NRG1: variants seen among roughly 807,000 people sequenced by gnomAD.
NRG1 encodes the protein neuregulin 1.
A neutral mutation model predicts 63.8 loss-of-function variants in NRG1; 18 were observed. The ratio of observed to expected loss-of-function variants is 0.28; its 90% confidence interval spans 0.19 to 0.42. The LOEUF is 0.42. NRG1 is among the 10% of genes least tolerant of loss of function. NRG1 has a pLI of 1.00. For missense variants in NRG1, 762 were observed against 814.7 expected (o/e 0.94, Z 0.79); for synonymous variants, 302 against 301.3 (o/e 1.00, Z -0.02).
intron 1 of NRG1, among the ~76,000 whole-genome samples, chr8:32,350,879 C>G (rs1292656779): frequency 8.5e-5 from 13 of 152,152 alleles, no homozygotes; most frequent in Non-Finnish European, 1.8e-4. Flanking sequence ...CTGTCCAGAT[C>G]AGCGCGGTGT....
intron 1 of NRG1, among the ~76,000 whole-genome samples, chr8:32,263,128 G>A (rs532818707): frequency 6.6e-6 from 1 of 152,194 alleles, no homozygotes; most frequent in Non-Finnish European, 1.5e-5. Context: ...TAGATGTTTG[G>A]TAAATATGTA....
chr8:32,729,630 G>A (rs1823133812), intron 6 of NRG1, among the ~76,000 whole-genome samples: 1 of 152,164 alleles, frequency 6.6e-6, no homozygotes, highest in Admixed American at 6.5e-5. Context: ...AAAGGCACCA[G>A]AAATAGTCAA....
intron 1 of NRG1, among the ~76,000 whole-genome samples, chr8:32,468,093 G>C (rs1458604193): frequency 6.6e-6 from 1 of 152,100 alleles, no homozygotes; most frequent in African/African-American, 2.4e-5. Context: ...TAATCTCTCT[G>C]TCCTTTCCTC....
intron 1 of NRG1, among the ~76,000 whole-genome samples, chr8:32,519,866 C>T (rs936492692): frequency 6.6e-6 from 1 of 152,066 alleles, no homozygotes. Flanking sequence ...TTTGTGCCAC[C>T]GTGTTTTCTT....
At chr8:32,045,047 A>G (rs1207943448) in intron 1 of NRG1, among the ~76,000 whole-genome samples, 1 of 151,770 alleles carries the variant, frequency 6.6e-6, no homozygotes, top group African/African-American at 2.4e-5. Context: ...CTTGAAAGAG[A>G]TTAATCAAAT....
chr8:32,591,904 C>T (rs1382768275), intron 1 of NRG1, among the ~76,000 whole-genome samples: 3 of 151,858 alleles, frequency 2.0e-5, no homozygotes, highest in African/African-American at 4.8e-5. Flanking sequence ...TCAATTTACC[C>T]ATATAAAAAT....
chr8:32,100,738 C>A (rs1343622926), intron 1 of NRG1, among the ~76,000 whole-genome samples: 1 of 152,046 alleles, frequency 6.6e-6, no homozygotes, highest in Admixed American at 6.6e-5. Context: ...ACAAAGGAAC[C>A]TGAATAATTG....
At chr8:32,153,620 A>G (rs1837741940) in intron 1 of NRG1, among the ~76,000 whole-genome samples, 1 of 152,232 alleles carries the variant, frequency 6.6e-6, no homozygotes. Flanking sequence ...CTCATCTGAT[A>G]GCAAAATATT....
At chr8:32,410,387 C>T (rs1398844086) in intron 1 of NRG1, among the ~76,000 whole-genome samples, 1 of 151,410 alleles carries the variant, frequency 6.6e-6, no homozygotes, top group Non-Finnish European at 1.5e-5. Context: ...CAGCATGTTC[C>T]CCAGGCTGGG....
intron 5 of NRG1, among the ~76,000 whole-genome samples, chr8:32,698,600 G>A (rs1801888041): frequency 6.6e-6 from 1 of 152,160 alleles, no homozygotes; most frequent in African/African-American, 2.4e-5. Flanking sequence ...ACCAAATAAA[G>A]GCCTAGGAGG....
intron 1 of NRG1, among the ~76,000 whole-genome samples, chr8:32,023,505 C>T (rs752336523): frequency 2.0e-5 from 3 of 152,304 alleles, no homozygotes; most frequent in East Asian, 1.9e-4. Context: ...CAGGCCAAAG[C>T]GTCACCAGGT....
At chr8:32,680,447 A>G (rs907679964) in intron 5 of NRG1, among the ~76,000 whole-genome samples, 2 of 152,170 alleles carry the variant, frequency 1.3e-5, no homozygotes, top group Admixed American at 6.6e-5. Context: ...TTGATTCTGT[A>G]TGCAACTTAA....
intron 1 of NRG1, among the ~76,000 whole-genome samples, chr8:31,950,698 T>C (rs1011597929): frequency 6.6e-6 from 1 of 152,178 alleles, no homozygotes; most frequent in Admixed American, 6.5e-5. Context: ...ATCTCTATCA[T>C]CCTGTGTAAG....
chr8:32,316,874 G>A (rs901003806), intron 1 of NRG1, among the ~76,000 whole-genome samples: 20 of 152,290 alleles, frequency 1.3e-4, no homozygotes, highest in African/African-American at 3.1e-4. Flanking sequence ...AGCTGAGATA[G>A]TACTTGAAAG....
chr8:32,267,099 G>A (rs764452919), intron 1 of NRG1, among the ~76,000 whole-genome samples: 8 of 103,564 alleles, frequency 7.7e-5, no homozygotes, highest in Non-Finnish European at 1.6e-4. Context: ...AGAGAGAAAG[G>A]AAGGAAGGAA....
At chr8:32,219,007 A>G (rs913055961) in intron 1 of NRG1, among the ~76,000 whole-genome samples, 7 of 152,288 alleles carry the variant, frequency 4.6e-5, no homozygotes, top group African/African-American at 1.7e-4. Flanking sequence ...TTATTAGAAC[A>G]TTACTTATGA....
chr8:31,660,989 A>G (rs990910609), intron 1 of NRG1, among the ~76,000 whole-genome samples: 1 of 152,126 alleles, frequency 6.6e-6, no homozygotes, highest in African/African-American at 2.4e-5. Flanking sequence ...TTTTTCTGAC[A>G]TGTTATTGCT....
intron 1 of NRG1, among the ~76,000 whole-genome samples, chr8:31,965,325 C>T (rs986027436): frequency 1.3e-5 from 2 of 151,828 alleles, no homozygotes; most frequent in Non-Finnish European, 2.9e-5. Context: ...TAGGTTCAAG[C>T]GATTCTCCTG....
chr8:32,548,532 G>A, exon 1 of NRG1: 1 of 1,249,454 alleles, frequency 8.0e-7, no homozygotes, highest in Non-Finnish European at 1.0e-6. Context: ...CGTTCCAGGT[G>A]GCCGGACCGC....
Sources: gnomAD v4.1 joint callset for allele counts (sites outside exome capture counted in the v4.1 genomes callset) on GRCh38, gnomAD v4.1.1 for gene constraint, MANE v1.5 for transcripts, NCBI Gene and HGNC (gene_info 2026-07-23, HGNC 2026-07-21) for gene names.